The following RIMS3 variants were observed in gnomAD, a reference collection of about 807,000 sequenced individuals.
RIMS3 encodes the protein regulating synaptic membrane exocytosis protein 3.
A neutral mutation model predicts 29.2 loss-of-function variants in RIMS3; 15 were observed. The observed-to-expected ratio is 0.51, with a 90% confidence interval of 0.34 to 0.79. RIMS3 has a LOEUF of 0.79. Among genes scored for constraint, RIMS3 ranks in the 30% least tolerant of loss-of-function variants. The probability of loss-of-function intolerance (pLI) is 0.01; values close to 1 mark genes in which losing one functional copy is unlikely to be tolerated. For missense variants in RIMS3, 342 were observed against 421.4 expected, an observed-to-expected ratio of 0.81 and a Z score of 1.65; for synonymous variants, 161 against 170.1, an observed-to-expected ratio of 0.95 and a Z score of 0.41.
intron 1 of RIMS3, among the ~76,000 whole-genome samples, chr1:40,660,358 C>T (rs1642334402): frequency 1.4e-5 from 2 of 141,718 alleles, no homozygotes; most frequent in South Asian, 2.2e-4. Flanking sequence ...AGCAGTCACA[C>T]CTGCAGATTG....
the RIMS3 span, chr1:40,691,679 G>T: frequency 2.2e-6 from 1 of 450,102 alleles, no homozygotes; most frequent in South Asian, 1.6e-5. Context: ...CGCCAAGGGA[G>T]GGGGAAGGGA....
rs1444164463 is a variant in RIMS3 at position 40,626,353 on chromosome 1, C to T, written c.*164G>A. ...ACACACACACACACGCACGCACACA[C>T]GCACACACTACAGTCTCCACTGCCA... On this transcript the variant is annotated 3_prime_UTR_variant, in exon 8 of 8. Coordinates refer to ENST00000372684, the MANE Select transcript of RIMS3 (RefSeq NM_014747.3). 1.2e-5 allele frequency: 8 copies of T among 692,242 alleles called. No homozygotes were observed. The highest frequency in any genetic ancestry group is 2.1e-5 in the Admixed American group (1 of 48,354). 42.9% of individuals were successfully genotyped at this position (692,242 alleles called of 1,614,324 possible).
chr1:40,632,418 TTATATATATATATATATATATATATATA>T lies in RIMS3; in HGVS notation c.472+623_472+650del, dbSNP rs56394507. ...TCCATATGAAAAAATACATATAAAT[TTATATATATATATATATATATATATATA>T]TATATATATATATATATGCCATCTA... On this transcript the variant is annotated intron_variant, in intron 5 of 7. Transcript: ENST00000372684. 3.1e-4 allele frequency among the ~76,000 whole-genome samples: 27 copies of T among 87,992 alleles called. 2 individuals carry two copies. The highest frequency in any genetic ancestry group is 1.5e-3 in the East Asian group (4 of 2,676). The allele number at this position is 87,992 out of a possible 152,430, so 57.7% of individuals were successfully genotyped here. A position where few individuals can be genotyped will look rare whatever the true frequency, so the allele number is the denominator to read the frequency against.
At chr1:40,643,601 C>T (rs1646575082) in intron 2 of RIMS3, among the ~76,000 whole-genome samples, 1 of 152,010 alleles carries the variant, frequency 6.6e-6, no homozygotes, top group Non-Finnish European at 1.5e-5. Context: ...CTTAGCCTCC[C>T]AAGCAGCTTG....
At chr1:40,667,352 G>A, upstream of RIMS3, among the ~76,000 whole-genome samples, 1 of 152,132 alleles carries the variant, frequency 6.6e-6, no homozygotes, top group Non-Finnish European at 1.5e-5. Context: ...TAGATTAGGG[G>A]AGGTGGGATG....
chr1:40,649,703 G>A (rs998707005), intron 1 of RIMS3, among the ~76,000 whole-genome samples: 1 of 152,230 alleles, frequency 6.6e-6, no homozygotes, highest in Non-Finnish European at 1.5e-5. Context: ...TTTGTGGTGA[G>A]GAGAGGAGAA....
At chr1:40,653,667 C>T (rs1345842999) in intron 1 of RIMS3, among the ~76,000 whole-genome samples, 1 of 152,200 alleles carries the variant, frequency 6.6e-6, no homozygotes, top group Non-Finnish European at 1.5e-5. Context: ...ACAATTTCCA[C>T]ACATGCAACT....
rs1646512818 is a variant in RIMS3, at chr1:40,635,336, T to A, written c.359+580A>T. Among the ~76,000 whole-genome samples, 1 of 152,256 alleles carries A rather than the reference T, an allele frequency of 6.6e-6. No individual in the cohort carries two copies. The highest frequency in any genetic ancestry group is 2.4e-5 in the African/African-American group (1 of 41,468). On this transcript the variant is annotated intron_variant, in intron 4 of 7. Coordinates refer to ENST00000372684, the MANE Select transcript of RIMS3 (RefSeq NM_014747.3). This position sits in a 1 kb window ranked among gnomAD's most constrained non-coding sequence, Gnocchi z 4.1. Reference sequence around the variant, plus strand: ...ATGACCCAGGACAGACCTGTGTGCATCTATACATAAAAAATGGAAACAAAA... The same window carrying A: ...ATGACCCAGGACAGACCTGTGTGCAACTATACATAAAAAATGGAAACAAAA...
upstream of RIMS3, among the ~76,000 whole-genome samples, chr1:40,668,268 A>C (rs1364388056): frequency 4.0e-5 from 6 of 150,336 alleles, no homozygotes; most frequent in Admixed American, 4.0e-4. Context: ...AAAAAAAAAA[A>C]AAATTTATCT....
rs72659529 is a variant in RIMS3 at position 40,637,740 on chromosome 1, C to T, written c.218-1683G>A. On this transcript the variant is annotated intron_variant, in intron 3 of 7. Transcript: ENST00000372684. The stretch of plus-strand genomic sequence containing the variant: ...ACAGACACATGATCTTCACATGTAA[C>T]ACTTGGAGTTGAACCCTCCCATTCA... Among the ~76,000 whole-genome samples the T allele has an allele frequency of 3.0e-3, 450 of 152,336 alleles. 1 individual carries two copies. In the Middle Eastern group the frequency reaches 0.044, roughly 15 times the overall value.
At chr1:40,673,773 G>A in the RIMS3 span, among the ~76,000 whole-genome samples, 1 of 152,252 alleles carries the variant, frequency 6.6e-6, no homozygotes, top group Non-Finnish European at 1.5e-5. Flanking sequence ...ACAGCATGGT[G>A]AAGACTGCAC....
chr1:40,684,981 G>A, the RIMS3 span, among the ~76,000 whole-genome samples: 1 of 152,200 alleles, frequency 6.6e-6, no homozygotes, highest in Non-Finnish European at 1.5e-5. Context: ...TCAAGCAACA[G>A]AACTGTGAGA....
At chr1:40,680,490 C>A in the RIMS3 span, among the ~76,000 whole-genome samples, 1 of 152,030 alleles carries the variant, frequency 6.6e-6, no homozygotes, top group Admixed American at 6.6e-5. Context: ...TGCCACCATA[C>A]CCGGCTAATT....
the RIMS3 span, chr1:40,691,632 A>C: frequency 2.4e-6 from 1 of 418,890 alleles, no homozygotes; most frequent in Non-Finnish European, 4.8e-6. Flanking sequence ...CTCAAGGAGC[A>C]CAGCTTCTGC....
At chr1:40,630,070 CAAAA>C (rs35370598) in intron 5 of RIMS3, among the ~76,000 whole-genome samples, 4 of 103,702 alleles carry the variant, frequency 3.9e-5, no homozygotes, top group Non-Finnish European at 6.0e-5. Context: ...GACTCCGTCT[CAAAA>C]AAAAAAAAAA....
the RIMS3 span, among the ~76,000 whole-genome samples, chr1:40,689,501 T>C: frequency 0.65 from 99,193 of 151,884 alleles, 32,651 homozygotes; most frequent in African/African-American, 0.72. Flanking sequence ...AGGCTGGTCT[T>C]GAACTCCTGA....
chr1:40,638,151 T>C (rs949999925), intron 3 of RIMS3, among the ~76,000 whole-genome samples: 1 of 152,192 alleles, frequency 6.6e-6, no homozygotes, highest in Admixed American at 6.5e-5. Context: ...ATTTCACAGA[T>C]GGGAAGCCTG....
At chr1:40,682,283 C>A in the RIMS3 span, among the ~76,000 whole-genome samples, 3 of 152,340 alleles carry the variant, frequency 2.0e-5, no homozygotes, top group East Asian at 5.8e-4. Flanking sequence ...GTACCAGGCA[C>A]TTACCAGGGG....
chr1:40,627,977 G>A (rs1306894587), intron 7 of RIMS3, among the ~76,000 whole-genome samples: 1 of 152,166 alleles, frequency 6.6e-6, no homozygotes, highest in African/African-American at 2.4e-5. Flanking sequence ...AGCCCTAGAT[G>A]AGAAGTTGGA....
Sources: allele counts gnomAD v4.1 joint callset (sites outside exome capture counted in the v4.1 genomes callset), GRCh38; gene constraint gnomAD v4.1.1; non-coding constraint Gnocchi (gnomAD v3.1); transcripts MANE v1.5; gene names NCBI Gene and HGNC (gene_info 2026-07-23, HGNC 2026-07-21).